The following SRGAP2 variants were observed in gnomAD, a reference collection of about 807,000 sequenced individuals.
SRGAP2 encodes SLIT-ROBO Rho GTPase-activating protein 2.
SRGAP2 carries 15 observed loss-of-function variants against 57.2 expected under a neutral mutation model. The observed-to-expected ratio is 0.26, with a 90% CI of 0.18 to 0.40. SRGAP2 has a LOEUF of 0.40. Ranked by LOEUF, SRGAP2 falls within the 10% of genes least tolerant of loss-of-function variation. The probability of loss-of-function intolerance (pLI) is 1.00; values close to 1 mark genes in which losing one functional copy is unlikely to be tolerated. For missense variants in SRGAP2, 520 were observed against 669.6 expected, an observed-to-expected ratio of 0.78 and a Z score of 2.47; for synonymous variants, 249 against 248.0, an observed-to-expected ratio of 1.00 and a Z score of -0.04.
chr1:206,355,126 C>T (rs1187692200), intron 4 of SRGAP2, among the ~76,000 whole-genome samples: 5 of 151,952 alleles, frequency 3.3e-5, no homozygotes, highest in Non-Finnish European at 7.4e-5. Flanking sequence ...CTAGTTTGTC[C>T]AAGCCAGTAT....
At chr1:206,327,329 A>C (rs1366110939) in intron 3 of SRGAP2, among the ~76,000 whole-genome samples, 2 of 147,102 alleles carry the variant, frequency 1.4e-5, no homozygotes, top group African/African-American at 5.0e-5. Context: ...CTCCGTCTCA[A>C]AAAAAAAAAA....
chr1:206,228,699 C>G (rs1390674087), intron 2 of SRGAP2, among the ~76,000 whole-genome samples: 4 of 151,490 alleles, frequency 2.6e-5, no homozygotes, highest in Non-Finnish European at 4.4e-5. Flanking sequence ...TCTCATAGAT[C>G]TGAGATTCCT....
At chr1:206,277,177 C>A (rs1400040047) in intron 2 of SRGAP2, among the ~76,000 whole-genome samples, 1 of 145,800 alleles carries the variant, frequency 6.9e-6, no homozygotes, top group Non-Finnish European at 1.5e-5. Context: ...GTTGTTCAGG[C>A]CATCTATCAC....
At chr1:206,460,374 T>C (rs1664161436) in intron 22 of SRGAP2, among the ~76,000 whole-genome samples, 1 of 152,176 alleles carries the variant, frequency 6.6e-6, no homozygotes, top group African/African-American at 2.4e-5. Flanking sequence ...AGGCAATTGA[T>C]TCACCTATGT....
At chr1:206,313,124 A>T (rs1571828252) in intron 3 of SRGAP2, among the ~76,000 whole-genome samples, 1 of 143,690 alleles carries the variant, frequency 7.0e-6, no homozygotes. Context: ...CCTTGCAGAG[A>T]CCTTCTGCTA....
intron 2 of SRGAP2, among the ~76,000 whole-genome samples, chr1:206,285,771 G>A (rs1431156893): frequency 2.0e-5 from 3 of 152,116 alleles, no homozygotes; most frequent in Non-Finnish European, 2.9e-5. Flanking sequence ...GGGCTCAAGC[G>A]GTTCTCATGG....
intron 4 of SRGAP2, among the ~76,000 whole-genome samples, chr1:206,371,377 G>T (rs2103022534): frequency 6.6e-6 from 1 of 152,110 alleles, no homozygotes; most frequent in East Asian, 1.9e-4. Flanking sequence ...GAAGGAAAAT[G>T]ATCCCAAATA....
At chr1:206,354,561 T>C (rs1159531904) in intron 4 of SRGAP2, among the ~76,000 whole-genome samples, 1 of 152,210 alleles carries the variant, frequency 6.6e-6, no homozygotes, top group Non-Finnish European at 1.5e-5. Flanking sequence ...ATGAGACTTT[T>C]AGTTTATCTG....
rs565531379 is a variant in SRGAP2, at chr1:206,333,673, C to T, written c.261-9173C>T. ...TCCCGAGTAGCCAGGAGTACAGGCA[C>T]GTGTCACCATACCTGGCTTCCATTT... On this transcript the variant is annotated intron_variant, in intron 3 of 22. Transcript: ENST00000573034. 1.6e-3 allele frequency among the ~76,000 whole-genome samples: 237 copies of T among 152,196 alleles called. 1 individual carries two copies. Among genetic ancestry groups the T allele is most frequent in the African/African-American group, 5.4e-3 (225 of 41,526 alleles).
chr1:206,276,662 T>C (rs1670429999), intron 2 of SRGAP2, among the ~76,000 whole-genome samples: 2 of 152,128 alleles, frequency 1.3e-5, no homozygotes, highest in Admixed American at 6.5e-5. Context: ...AATTGCCTCC[T>C]TGTGGCCTGA....
chr1:206,343,434 T>C (rs2102923405), intron 4 of SRGAP2, among the ~76,000 whole-genome samples: 1 of 140,766 alleles, frequency 7.1e-6, no homozygotes, highest in Non-Finnish European at 1.5e-5. Context: ...GGAAGTTTTC[T>C]TAAAGTGATT....
chr1:206,397,263 G>A (rs1377913796), intron 7 of SRGAP2, among the ~76,000 whole-genome samples: 6 of 151,944 alleles, frequency 3.9e-5, no homozygotes, highest in Non-Finnish European at 7.3e-5. Flanking sequence ...TGTATCGGTA[G>A]TGTCTTTCTT....
chr1:206,213,608 A>G (rs1256088214), intron 2 of SRGAP2, among the ~76,000 whole-genome samples: 3 of 151,712 alleles, frequency 2.0e-5, no homozygotes, highest in Non-Finnish European at 4.4e-5. Context: ...TGGACAAATG[A>G]CAGTGTCTGT....
intron 13 of SRGAP2, among the ~76,000 whole-genome samples, chr1:206,427,213 G>C (rs576635077): frequency 6.0e-4 from 92 of 152,238 alleles, no homozygotes; most frequent in African/African-American, 2.2e-3. Context: ...TGTAATAACA[G>C]AAGTCTGTAA....
intron 11 of SRGAP2, among the ~76,000 whole-genome samples, chr1:206,416,772 CT>C (rs1287717225): frequency 7.9e-5 from 12 of 152,274 alleles, no homozygotes; most frequent in African/African-American, 2.4e-4. Flanking sequence ...CCGCCCCCCC[CT>C]CCCTGCCCCA....
intron 2 of SRGAP2, among the ~76,000 whole-genome samples, chr1:206,229,135 G>C (rs1327686271): frequency 1.3e-5 from 2 of 152,072 alleles, no homozygotes; most frequent in Non-Finnish European, 2.9e-5. Context: ...GAAGCCTATA[G>C]AATTCCAGGA....
At chr1:206,262,314 T>C (rs1472037996) in intron 2 of SRGAP2, among the ~76,000 whole-genome samples, 2 of 150,020 alleles carry the variant, frequency 1.3e-5, no homozygotes, top group African/African-American at 5.0e-5. Context: ...TTTTTTTTTT[T>C]TGAAATGATT....
chr1:206,322,418 C>CAA (rs797032091), intron 3 of SRGAP2, among the ~76,000 whole-genome samples: 50 of 138,246 alleles, frequency 3.6e-4, no homozygotes, highest in African/African-American at 1.1e-3. Flanking sequence ...CTAAAAAATA[C>CAA]AAAAAAAAAA....
rs1383921750 is a variant in SRGAP2 at position 206,305,658 on chromosome 1, C to T, written c.260+2185C>T. Among the ~76,000 whole-genome samples, 22 of 150,650 alleles carry T rather than the reference C, an allele frequency of 1.5e-4. 1 individual carries two copies. The highest frequency in any genetic ancestry group is 2.2e-4 in the Non-Finnish European group (15 of 68,026). ...TATAATATGTGGTGTATAGTAGATG[C>T]GCACTAAATATTGTGGAATAAATAA... On this transcript the variant is annotated intron_variant, in intron 3 of 22. Transcript: ENST00000573034.
Sources: allele counts gnomAD v4.1 joint callset (sites outside exome capture counted in the v4.1 genomes callset), GRCh38; gene constraint gnomAD v4.1.1; transcripts MANE v1.5; gene names NCBI Gene and HGNC (gene_info 2026-07-23, HGNC 2026-07-21).